PEBP4: variants seen among roughly 807,000 people sequenced by gnomAD.
PEBP4 encodes the protein phosphatidylethanolamine binding protein 4, also known as phosphatidylethanolamine-binding protein 4.
Under a neutral mutation model 23.9 loss-of-function variants are expected in PEBP4, and 22 were observed. That is an observed-to-expected ratio of 0.92 (90% confidence interval 0.66 to 1.31). The LOEUF is 1.31. Among genes scored for constraint, PEBP4 ranks in the 40% most tolerant of loss-of-function variants. The probability of loss-of-function intolerance (pLI) is 0.00; values close to 1 mark genes in which losing one functional copy is unlikely to be tolerated. For missense variants in PEBP4, 324 were observed against 281.7 expected, an observed-to-expected ratio of 1.15 and a Z score of -1.07; for synonymous variants, 112 against 99.3, an observed-to-expected ratio of 1.13 and a Z score of -0.76.
rs1413038574 is a variant in PEBP4, at chr8:22,794,968, A to T, written c.357+22669T>A. ...ATGGATAGTCAATCATCCCTAAACCATTTATGGAATAATCAGTCCTTTCTT... is the reference window on the plus strand; with the variant it reads ...ATGGATAGTCAATCATCCCTAAACCTTTTATGGAATAATCAGTCCTTTCTT... On this transcript the variant is annotated intron_variant, in intron 4 of 6. Coordinates refer to ENST00000256404, the MANE Select transcript of PEBP4 (RefSeq NM_144962.3). Among the ~76,000 whole-genome samples the T allele has an allele frequency of 2.6e-5, 4 of 151,566 alleles. No individual in the cohort carries two copies. The South Asian group carries it at 6.2e-4, about 24-fold the overall frequency.
intron 4 of PEBP4, among the ~76,000 whole-genome samples, chr8:22,769,422 C>T (rs948325708): frequency 2.6e-5 from 4 of 152,192 alleles, no homozygotes; most frequent in South Asian, 2.1e-4. Context: ...TGCAGCCTTT[C>T]GGTAAAGATA....
At chr8:22,906,255 C>T (rs1383149685) in intron 3 of PEBP4, among the ~76,000 whole-genome samples, 2 of 152,130 alleles carry the variant, frequency 1.3e-5, no homozygotes, top group African/African-American at 4.8e-5. Flanking sequence ...CAGGCTGCCT[C>T]CTCTGTCCAG....
chr8:22,925,173 A>G, intron 2 of PEBP4: 4 of 985,436 alleles, frequency 4.1e-6, no homozygotes, highest in Non-Finnish European at 4.8e-6. Context: ...CAGTGACAAT[A>G]AAGACAAAGC....
In PEBP4 at chr8:22,865,916, C is replaced by T. The variant is rs1008634670; in HGVS notation, c.259-48181G>A. Among the ~76,000 whole-genome samples the T allele has an allele frequency of 6.6e-6, 1 of 152,042 alleles. No individual in the cohort carries two copies. Among genetic ancestry groups the T allele is most frequent in the Non-Finnish European group, 1.5e-5 (1 of 67,984 alleles). ...CCAAACCCACAGCTCCCACTCAGGACACGCGCCTCGAGGTGTGGCCCGGCG... is the reference window on the plus strand; with the variant it reads ...CCAAACCCACAGCTCCCACTCAGGATACGCGCCTCGAGGTGTGGCCCGGCG... On this transcript the variant is annotated intron_variant, in intron 3 of 6. Transcript: ENST00000256404. The surrounding 1 kb of genome is among the most constrained non-coding windows in gnomAD (Gnocchi z 6.9).
intron 4 of PEBP4, among the ~76,000 whole-genome samples, chr8:22,794,973 T>G (rs1349917584): frequency 6.6e-6 from 1 of 151,794 alleles, no homozygotes; most frequent in Non-Finnish European, 1.5e-5. Context: ...AAACCATTTA[T>G]GGAATAATCA....
chr8:22,927,559 C>A (rs760122549), intron 2 of PEBP4, 25 bp downstream of exon 2: 1 of 1,598,290 alleles, frequency 6.3e-7, no homozygotes, highest in Non-Finnish European at 8.5e-7. Context: ...CTGTGCCTCC[C>A]GCCTCCAAGC....
chr8:22,856,703 G>A (rs114891429), intron 3 of PEBP4, among the ~76,000 whole-genome samples: 2,430 of 151,802 alleles, frequency 0.016, 56 homozygotes, highest in African/African-American at 0.056. Context: ...GCAATAGAGG[G>A]AAACTGTCTC....
chr8:22,859,854 T>C (rs1365366913), intron 3 of PEBP4, among the ~76,000 whole-genome samples: 1 of 152,018 alleles, frequency 6.6e-6, no homozygotes, highest in African/African-American at 2.4e-5. Flanking sequence ...CCCTTCCCAA[T>C]CTTTTTAAAA....
At chr8:22,781,946 C>T (rs957602509) in intron 4 of PEBP4, among the ~76,000 whole-genome samples, 16 of 152,332 alleles carry the variant, frequency 1.1e-4, no homozygotes, top group Admixed American at 2.6e-4. Context: ...ACTCTGCCAC[C>T]GTTCCCCAGG....
chr8:22,901,894 A>G (rs957008898), intron 3 of PEBP4, among the ~76,000 whole-genome samples: 1 of 152,210 alleles, frequency 6.6e-6, no homozygotes, highest in Non-Finnish European at 1.5e-5. Context: ...AAAGACTGCC[A>G]TTACAAATGA....
chr8:22,804,364 C>T (rs1008543786), intron 4 of PEBP4, among the ~76,000 whole-genome samples: 3 of 152,072 alleles, frequency 2.0e-5, no homozygotes, highest in African/African-American at 4.8e-5. Flanking sequence ...CAGTTTTTAC[C>T]CCGTGTTGGA....
chr8:22,811,989 A>G (rs1563224211), intron 4 of PEBP4, among the ~76,000 whole-genome samples: 1 of 152,268 alleles, frequency 6.6e-6, no homozygotes, highest in Non-Finnish European at 1.5e-5. Flanking sequence ...ATTCTGTGTC[A>G]GAAGACTTAA....
At chr8:22,861,120 G>A (rs1170504703) in intron 3 of PEBP4, among the ~76,000 whole-genome samples, 4 of 152,212 alleles carry the variant, frequency 2.6e-5, no homozygotes, top group Admixed American at 2.0e-4. Context: ...CTGGAAGTCA[G>A]TGCCCACTTA....
intron 6 of PEBP4, among the ~76,000 whole-genome samples, chr8:22,718,784 G>A (rs555821623): frequency 2.2e-4 from 33 of 152,238 alleles, no homozygotes; most frequent in African/African-American, 7.9e-4. Context: ...CGCTGGTGGG[G>A]GGCAGTCTGA....
intron 1 of PEBP4, among the ~76,000 whole-genome samples, chr8:22,938,183 G>A (rs537074191): frequency 6.6e-6 from 1 of 152,224 alleles, no homozygotes; most frequent in South Asian, 2.1e-4. Flanking sequence ...AGGAACTGGT[G>A]TTCTCTAGAA....
intron 3 of PEBP4, chr8:22,879,379 C>T (rs555586976): frequency 2.6e-5 from 4 of 152,186 alleles, no homozygotes; most frequent in Non-Finnish European, 5.9e-5. Context: ...AAAGGGCACT[C>T]AGTAAACGTC....
rs117215453 is a variant in PEBP4 at position 22,909,158 on chromosome 8, C to G, written c.258+11026G>C. The stretch of plus-strand genomic sequence containing the variant: ...GTTCCTGGGGTAGGATGACGGTCAC[C>G]TATCTCCCCCTGGTGTCGGCTCTTC... On this transcript the variant is annotated intron_variant, in intron 3 of 6. Coordinates refer to ENST00000256404, the MANE Select transcript of PEBP4 (RefSeq NM_144962.3). Among the ~76,000 whole-genome samples, 1,299 of 152,276 alleles carry G rather than the reference C, an allele frequency of 8.5e-3. 4 individuals carry two copies. Among genetic ancestry groups the G allele is most frequent in the Middle Eastern group, 0.031 (9 of 294 alleles).
In PEBP4 at chr8:22,713,348, C is replaced by T. The variant is rs1804344637; in HGVS notation, c.*22G>A. The stretch of plus-strand genomic sequence containing the variant: ...CGGTGGTGGGCAGTGTGGCCACATG[C>T]CCGGATGGCAAAGCCGGCTATCTAG... On this transcript the variant is annotated 3_prime_UTR_variant, in exon 7 of 7. Transcript: ENST00000256404. The T allele has an allele frequency of 1.3e-6, 2 of 1,560,606 alleles. No homozygotes were observed. Among genetic ancestry groups the T allele is most frequent in the Non-Finnish European group, 1.7e-6 (2 of 1,153,846 alleles).
At chr8:22,927,307 C>T (rs573090030) in intron 2 of PEBP4, among the ~76,000 whole-genome samples, 2 of 152,212 alleles carry the variant, frequency 1.3e-5, no homozygotes, top group African/African-American at 4.8e-5. Context: ...CCCACAAAGA[C>T]CCCCCAGGTT....
Sources: allele counts gnomAD v4.1 joint callset (sites outside exome capture counted in the v4.1 genomes callset), GRCh38; gene constraint gnomAD v4.1.1; non-coding constraint Gnocchi (gnomAD v3.1); transcripts MANE v1.5; gene names NCBI Gene and HGNC (gene_info 2026-07-23, HGNC 2026-07-21).